MEF2C: variants seen among roughly 807,000 people sequenced by gnomAD.
The protein encoded by MEF2C is myocyte-specific enhancer factor 2C.
In MEF2C, 6 loss-of-function variants were observed where a neutral mutation model predicts 50.5. The observed-to-expected ratio is 0.12, with a 90% confidence interval of 0.07 to 0.23. The LOEUF is 0.23. Ranked by LOEUF, MEF2C falls within the 10% of genes least tolerant of loss-of-function variation. MEF2C has a pLI of 1.00. For missense variants in MEF2C, 276 were observed against 605.0 expected, an observed-to-expected ratio of 0.46 and a Z score of 5.70; for synonymous variants, 183 against 228.0, an observed-to-expected ratio of 0.80 and a Z score of 1.78.
chr5:88,823,807 CT>C lies in MEF2C; in HGVS notation c.-20del, dbSNP rs1321829846. ...TCCCCATAGTCCCCGTTTTTCTTCT[CT>C]CTCTCGTCCCTGAAATTATGTATTT... On this transcript the variant is annotated 5_prime_UTR_variant, in exon 2 of 11. Transcript: ENST00000504921. 2 of 1,606,606 alleles carry C rather than the reference CT, an allele frequency of 1.2e-6. No homozygotes were observed. The highest frequency in any genetic ancestry group is 4.5e-5 in the East Asian group (2 of 44,676).
At chr5:88,868,294 T>C (rs916254649) in intron 1 of MEF2C, among the ~76,000 whole-genome samples, 7 of 152,204 alleles carry the variant, frequency 4.6e-5, no homozygotes, top group Admixed American at 4.6e-4. Context: ...ATCTGGTATT[T>C]ACAAGCATTT....
chr5:88,897,835 C>T (rs1230127735), intron 1 of MEF2C, among the ~76,000 whole-genome samples: 1 of 152,098 alleles, frequency 6.6e-6, no homozygotes, highest in Non-Finnish European at 1.5e-5. Context: ...AGAACTGATC[C>T]TCTTCACAAA....
intron 1 of MEF2C, among the ~76,000 whole-genome samples, chr5:88,897,549 G>A (rs574774436): frequency 7.9e-5 from 12 of 152,198 alleles, no homozygotes; most frequent in African/African-American, 2.6e-4. Flanking sequence ...CGCTCAAGCC[G>A]TTTTATCACA....
At chr5:88,869,562 T>G (rs1345327558) in intron 1 of MEF2C, among the ~76,000 whole-genome samples, 2 of 151,596 alleles carry the variant, frequency 1.3e-5, no homozygotes, top group South Asian at 2.1e-4. Context: ...CCATTATCTA[T>G]CTGCATATGC....
At chr5:88,741,389 TTTTCAAG>T in intron 6 of MEF2C, 1 of 985,430 alleles carries the variant, frequency 1.0e-6, no homozygotes, top group Non-Finnish European at 1.2e-6. Flanking sequence ...TTTAACAGAC[TTTTCAAG>T]GGCAATAGTG....
rs896640546 is a variant in MEF2C at position 88,772,994 on chromosome 5, T to C, written c.259-11666A>G. 4.9e-6 allele frequency: 4 copies of C among 824,406 alleles called. No individual in the cohort carries two copies. The African/African-American group carries it at 7.4e-5, about 15-fold the overall frequency. The allele number at this position is 824,406 out of a possible 1,614,324, so 51.1% of individuals were successfully genotyped here. Reference sequence around the variant, plus strand: ...TGCTCAATACCCATATTGTTCTGATTAGAGAAAAGTGAAGTATCAGGAGTG... The same window carrying C: ...TGCTCAATACCCATATTGTTCTGATCAGAGAAAAGTGAAGTATCAGGAGTG... On this transcript the variant is annotated intron_variant, in intron 3 of 10. Coordinates refer to ENST00000504921, the MANE Select transcript of MEF2C (RefSeq NM_002397.5).
At chr5:88,783,474 C>CA (rs1346781322) in intron 3 of MEF2C, among the ~76,000 whole-genome samples, 5 of 151,458 alleles carry the variant, frequency 3.3e-5, no homozygotes, top group South Asian at 2.1e-4. Flanking sequence ...ACTAAAAATA[C>CA]AAAAAAAATT....
intron 6 of MEF2C, chr5:88,737,674 C>A: frequency 1.0e-6 from 1 of 985,170 alleles, no homozygotes; most frequent in Non-Finnish European, 1.2e-6. Flanking sequence ...AGAGGCTTTG[C>A]GGAGAGAAGG....
chr5:88,749,084 G>A lies in MEF2C; in HGVS notation c.623C>T (p.Ala208Val), dbSNP rs866114394. 6.3e-7 allele frequency: 1 copy of A among 1,574,916 alleles called. No homozygotes were observed. The highest frequency in any genetic ancestry group is 8.6e-7 in the Non-Finnish European group (1 of 1,159,512). ...TCTGGGCTTACCTGCACTGGTGCCT[G>A]CACCAGACGTGAGGTCTCCACCCAT... ...GLMGGDLTSGAGTSAGNGYGN... is the reference protein window; with the variant it reads ...GLMGGDLTSGVGTSAGNGYGN... Residue 208 changes from alanine to valine, a missense_variant, in exon 6 of 11, where the codon GCA becomes GTA. This residue lies in a region of MEF2C where 256 missense variants were observed against 468.1 expected (regional missense o/e 0.55). Coordinates refer to ENST00000504921, the MANE Select transcript of MEF2C (RefSeq NM_002397.5).
chr5:88,824,204 A>G (rs1234486617), intron 1 of MEF2C: 2 of 953,656 alleles, frequency 2.1e-6, no homozygotes, highest in East Asian at 1.2e-4. Flanking sequence ...CTTGAAATGT[A>G]TTTTTTTTTG....
rs1761838174 is a variant in MEF2C, at chr5:88,731,912, A to G, written c.638-11T>C. 7 of 1,603,132 alleles carry G rather than the reference A, an allele frequency of 4.4e-6. No individual in the cohort carries two copies. The highest frequency in any genetic ancestry group is 1.7e-5 in the Admixed American group (1 of 58,580). On this transcript the variant is annotated splice_polypyrimidine_tract_variant and intron_variant, in intron 6 of 10. Transcript: ENST00000504921. ...TGCCATACCCGTTCCCTGTTAACAAAAAACAATAAAGCATTTAGGAAGAAA... is the reference window on the plus strand; with the variant it reads ...TGCCATACCCGTTCCCTGTTAACAAGAAACAATAAAGCATTTAGGAAGAAA...
chr5:88,792,818 G>A (rs1281521409), intron 3 of MEF2C, among the ~76,000 whole-genome samples: 2 of 152,120 alleles, frequency 1.3e-5, no homozygotes, highest in Non-Finnish European at 2.9e-5. Flanking sequence ...TTTTTAAATT[G>A]TGCTTTGATA....
intron 6 of MEF2C, chr5:88,733,986 AAG>A (rs1762760317): frequency 1.0e-6 from 1 of 985,196 alleles, no homozygotes; most frequent in Non-Finnish European, 1.2e-6. Context: ...TCCATGGCAA[AAG>A]CTGTTACATA....
intron 2 of MEF2C, among the ~76,000 whole-genome samples, chr5:88,805,148 G>C (rs1484212437): frequency 1.3e-5 from 2 of 152,148 alleles, no homozygotes; most frequent in Non-Finnish European, 2.9e-5. Context: ...TTAATAATTA[G>C]TTTGGAGCTT....
chr5:88,852,938 T>C (rs2153392282), intron 1 of MEF2C, among the ~76,000 whole-genome samples: 1 of 150,840 alleles, frequency 6.6e-6, no homozygotes, highest in Middle Eastern at 3.5e-3. Flanking sequence ...AAGAATGTAG[T>C]TCTAGCCAGA....
At chr5:88,748,976 T>G (rs1270472705) in intron 6 of MEF2C, 94 bp downstream of exon 6, 1 of 1,546,732 alleles carries the variant, frequency 6.5e-7, no homozygotes, top group Non-Finnish European at 8.7e-7. Context: ...ACAGATCTCT[T>G]AACTTTATTT....
At chr5:88,824,712 T>C (rs147409179) in intron 1 of MEF2C, among the ~76,000 whole-genome samples, 2 of 152,018 alleles carry the variant, frequency 1.3e-5, no homozygotes, top group East Asian at 3.9e-4. Flanking sequence ...TTCCTTTAAA[T>C]TTAAATATTT....
Position 88,717,527 on chromosome 5 carries a change from A to G in MEF2C, c.*5077T>C, listed in dbSNP as rs557304840. The G allele has an allele frequency of 3.9e-5, 6 of 152,362 alleles. No homozygotes were observed. The South Asian group carries it at 1.2e-3, about 32-fold the overall frequency. 9.4% of individuals were successfully genotyped at this position (152,362 alleles called of 1,614,324 possible). ...CTTAATACATGTTTGCTGAAAATGAATACAAGAGAACAAAGCAGAAAGCAC... is the reference window on the plus strand; with the variant it reads ...CTTAATACATGTTTGCTGAAAATGAGTACAAGAGAACAAAGCAGAAAGCAC... On this transcript the variant is annotated 3_prime_UTR_variant, in exon 11 of 11. Transcript: ENST00000504921.
chr5:88,771,477 C>T (rs967376532), intron 3 of MEF2C: 8 of 985,406 alleles, frequency 8.1e-6, no homozygotes, highest in Non-Finnish European at 9.6e-6. Context: ...CTTTTCTGTA[C>T]CTGTACAGTC....
Sources: gnomAD v4.1 joint callset for allele counts (sites outside exome capture counted in the v4.1 genomes callset) on GRCh38, gnomAD v4.1.1 for gene constraint, gnomAD v4.1.1 regional missense constraint, MANE v1.5 for transcripts, NCBI Gene and HGNC (gene_info 2026-07-23, HGNC 2026-07-21) for gene names.